RHBDD1: variants seen among roughly 807,000 people sequenced by gnomAD.
RHBDD1 encodes the protein rhomboid domain containing 1.
In RHBDD1, 38 loss-of-function variants were observed where a neutral mutation model predicts 36.3. That is an observed-to-expected ratio of 1.05 (90% CI 0.81 to 1.37). RHBDD1 has a LOEUF of 1.37. Ranked by LOEUF, RHBDD1 falls within the 40% of genes most tolerant of loss-of-function variation. The pLI, the probability that RHBDD1 is intolerant of heterozygous loss-of-function variation, is 0.00. For synonymous variants in RHBDD1, 151 were observed against 136.5 expected (o/e 1.11, Z -0.74); for missense variants, 393 against 377.6 (o/e 1.04, Z -0.34).
chr2:226,815,413 G>A, the RHBDD1 span, among the ~76,000 whole-genome samples: 4 of 152,108 alleles, frequency 2.6e-5, no homozygotes, highest in African/African-American at 9.7e-5. Flanking sequence ...TTTTTATGTA[G>A]TTTGGAGATT....
chr2:226,913,632 A>C (rs1322751984), intron 7 of RHBDD1, among the ~76,000 whole-genome samples: 1 of 151,920 alleles, frequency 6.6e-6, no homozygotes, highest in Non-Finnish European at 1.5e-5. Context: ...TTTTTTTTGA[A>C]GTCGTCTCTT....
At chr2:226,870,362 A>G (rs899442210) in intron 5 of RHBDD1, among the ~76,000 whole-genome samples, 2 of 152,276 alleles carry the variant, frequency 1.3e-5, no homozygotes, top group East Asian at 1.9e-4. Context: ...AATCATACCT[A>G]ATTTCTTTTG....
At chr2:226,988,461 G>A (rs1260937271) in intron 8 of RHBDD1, 1 of 1,548,494 alleles carries the variant, frequency 6.5e-7, no homozygotes, top group African/African-American at 1.4e-5. Context: ...ATCCTTTGAG[G>A]CTGCAGGGTC....
At chr2:226,988,781 T>G in intron 8 of RHBDD1, 1 of 844,484 alleles carries the variant, frequency 1.2e-6, no homozygotes, top group South Asian at 5.5e-5. Flanking sequence ...AGTTACAAAC[T>G]GTTCTCTATT....
At chr2:226,811,748 T>A in the RHBDD1 span, among the ~76,000 whole-genome samples, 1 of 152,258 alleles carries the variant, frequency 6.6e-6, no homozygotes, top group Admixed American at 6.5e-5. Context: ...CTGAATTCTA[T>A]CTAATGACAG....
intron 8 of RHBDD1, among the ~76,000 whole-genome samples, chr2:226,922,868 A>G (rs898495008): frequency 6.6e-6 from 1 of 152,086 alleles, no homozygotes; most frequent in Admixed American, 6.5e-5. Context: ...GATTGCATAA[A>G]CAAACAAGCA....
chr2:226,845,824 T>C (rs1474028603), intron 3 of RHBDD1, among the ~76,000 whole-genome samples: 2 of 152,244 alleles, frequency 1.3e-5, no homozygotes, highest in Non-Finnish European at 1.5e-5. Flanking sequence ...TTTAAAGATA[T>C]ATTTGATTAA....
At chr2:226,970,796 C>G (rs1273121054) in intron 8 of RHBDD1, among the ~76,000 whole-genome samples, 1 of 152,160 alleles carries the variant, frequency 6.6e-6, no homozygotes, top group Non-Finnish European at 1.5e-5. Flanking sequence ...ATGCGACTTT[C>G]TTCAGTATTT....
intron 5 of RHBDD1, among the ~76,000 whole-genome samples, chr2:226,897,743 G>A (rs534780409): frequency 3.9e-5 from 6 of 152,218 alleles, no homozygotes; most frequent in African/African-American, 9.6e-5. Context: ...AGGCCGAGGC[G>A]GGTGGATCAC....
chr2:226,901,575 C>T (rs985942732), intron 5 of RHBDD1, among the ~76,000 whole-genome samples: 10 of 152,178 alleles, frequency 6.6e-5, no homozygotes, highest in African/African-American at 2.4e-4. Context: ...TAGTCATCCT[C>T]ACACATGTGA....
intron 8 of RHBDD1, among the ~76,000 whole-genome samples, chr2:226,959,735 A>T (rs1194157908): frequency 6.6e-6 from 1 of 152,228 alleles, no homozygotes; most frequent in Middle Eastern, 3.2e-3. Context: ...ATTTGTAAGG[A>T]CATATGCTTT....
chr2:226,851,428 G>T (rs1942799638), intron 3 of RHBDD1, among the ~76,000 whole-genome samples: 1 of 152,042 alleles, frequency 6.6e-6, no homozygotes, highest in Non-Finnish European at 1.5e-5. Context: ...TTGTTCAGGA[G>T]GTTGATGACC....
chr2:226,920,737 T>A (rs1410987205), intron 8 of RHBDD1, among the ~76,000 whole-genome samples: 1 of 152,156 alleles, frequency 6.6e-6, no homozygotes, highest in Non-Finnish European at 1.5e-5. Context: ...TCCCAAATGG[T>A]CATAATGAAT....
the RHBDD1 span, among the ~76,000 whole-genome samples, chr2:226,824,025 G>A: frequency 6.6e-6 from 1 of 152,054 alleles, no homozygotes; most frequent in Non-Finnish European, 1.5e-5. Flanking sequence ...CAAGACCTTT[G>A]GGGAAAACAT....
intron 8 of RHBDD1, among the ~76,000 whole-genome samples, chr2:226,955,793 C>G (rs1333025388): frequency 2.6e-5 from 4 of 152,172 alleles, no homozygotes; most frequent in Non-Finnish European, 5.9e-5. Flanking sequence ...ATAAGGACAT[C>G]AGTCCTGTTG....
At chr2:226,854,828 G>A (rs1181883954) in intron 3 of RHBDD1, among the ~76,000 whole-genome samples, 1 of 152,144 alleles carries the variant, frequency 6.6e-6, no homozygotes, top group East Asian at 1.9e-4. Context: ...AGTGGATTGA[G>A]GTGGGGGGCA....
chr2:226,830,944 C>T (rs111455442), upstream of RHBDD1, among the ~76,000 whole-genome samples: 534 of 152,322 alleles, frequency 3.5e-3, 3 homozygotes, highest in African/African-American at 0.012. Context: ...GCTGGGATTA[C>T]GGGTGTGAGC....
At chr2:226,817,774 G>C in the RHBDD1 span, among the ~76,000 whole-genome samples, 1 of 152,188 alleles carries the variant, frequency 6.6e-6, no homozygotes, top group Admixed American at 6.5e-5. Context: ...GAATCATTTG[G>C]GGATTGGGGT....
At chr2:226,814,875 T>C in the RHBDD1 span, among the ~76,000 whole-genome samples, 7 of 152,166 alleles carry the variant, frequency 4.6e-5, no homozygotes, top group Admixed American at 2.6e-4. Context: ...AAGTCCACAT[T>C]GGTGATGCAG....
Sources: gnomAD v4.1 joint callset for allele counts (sites outside exome capture counted in the v4.1 genomes callset) on GRCh38, gnomAD v4.1.1 for gene constraint, MANE v1.5 for transcripts, NCBI Gene and HGNC (gene_info 2026-07-23, HGNC 2026-07-21) for gene names.